The following MANBA variants were observed in gnomAD, a reference collection of about 807,000 sequenced individuals.
MANBA encodes the protein beta-mannosidase.
MANBA carries 83 observed loss-of-function variants against 111.1 expected under a neutral mutation model. The observed-to-expected ratio is 0.75, with a 90% confidence interval of 0.63 to 0.90. The LOEUF (loss-of-function observed/expected upper bound fraction) is 0.90. Among genes scored for constraint, MANBA ranks in the 40% least tolerant of loss-of-function variants. The pLI is 0.00. For synonymous variants in MANBA, 370 were observed against 378.7 expected, an observed-to-expected ratio of 0.98 and a Z score of 0.27; for missense variants, 1,036 against 1,069.0, an observed-to-expected ratio of 0.97 and a Z score of 0.43.
At chr4:102,638,991 T>A (rs538195543) in intron 14 of MANBA, among the ~76,000 whole-genome samples, 1 of 152,290 alleles carries the variant, frequency 6.6e-6, no homozygotes, top group South Asian at 2.1e-4. Context: ...AAACTATTCT[T>A]TACATTATTA....
At chr4:102,649,680 T>C (rs868700029) in intron 13 of MANBA, among the ~76,000 whole-genome samples, 6 of 152,158 alleles carry the variant, frequency 3.9e-5, no homozygotes, top group African/African-American at 1.4e-4. Flanking sequence ...GGTCCCCAAT[T>C]TGTGGCTTGC....
intron 5 of MANBA, among the ~76,000 whole-genome samples, chr4:102,711,585 A>T (rs1722068077): frequency 1.3e-5 from 2 of 152,168 alleles, no homozygotes; most frequent in African/African-American, 4.8e-5. Context: ...ATTACCATAC[A>T]ATCCAAGAAT....
chr4:102,666,718 C>T (rs1367131026), intron 10 of MANBA: 2 of 152,164 alleles, frequency 1.3e-5, no homozygotes, highest in Non-Finnish European at 2.9e-5. Context: ...GAAGTGTTGG[C>T]TAGGGAAGGA....
intron 12 of MANBA, among the ~76,000 whole-genome samples, chr4:102,657,227 G>GGT (rs201831240): frequency 1.5e-4 from 19 of 123,340 alleles, no homozygotes; most frequent in African/African-American, 4.3e-4. Context: ...TGGGGTGGGG[G>GGT]GGGGGTGGGC....
intron 1 of MANBA, among the ~76,000 whole-genome samples, chr4:102,748,690 G>A (rs137897618): frequency 2.3e-3 from 344 of 152,192 alleles, no homozygotes; most frequent in African/African-American, 8.0e-3. Context: ...CGAGGTGGGC[G>A]GATCACAAGG....
In MANBA at chr4:102,671,367, C is replaced by T; in HGVS notation, c.1144G>A (p.Ala382Thr). The T allele has an allele frequency of 6.2e-7, 1 of 1,607,462 alleles. No individual in the cohort carries two copies. Among genetic ancestry groups the T allele is most frequent in the Non-Finnish European group, 8.5e-7 (1 of 1,174,286 alleles). Residue 382 changes from alanine to threonine, a missense_variant, in exon 9 of 17, where the codon GCT (alanine) becomes ACT (threonine). By Grantham distance (58) the Ala-to-Thr change is moderately conservative. Coordinates refer to ENST00000647097, the MANE Select transcript of MANBA (RefSeq NM_005908.4). ...CAAACCCGAAGAGTATTCATATTAG[C>T]ATCCACAACAGACTGTAAAAGGAGC... ...LRLLLQSVVD[A>T]NMNTLRVWGG...
At chr4:102,709,069 C>T (rs1404862393) in intron 5 of MANBA, among the ~76,000 whole-genome samples, 3 of 151,824 alleles carry the variant, frequency 2.0e-5, no homozygotes, top group Non-Finnish European at 4.4e-5. Context: ...GTAATTCCAA[C>T]ACTTTGGGAG....
rs775258436 is a variant in MANBA at position 102,650,668 on chromosome 4, T to A, written c.1738A>T (p.Lys580Ter). 6.2e-7 allele frequency: 1 copy of A among 1,613,372 alleles called. No individual in the cohort carries two copies. Among genetic ancestry groups the A allele is most frequent in the African/African-American group, 1.3e-5 (1 of 74,918 alleles). The change falls in exon 13 of 17, where the codon AAG (lysine) becomes TAG (stop). Residue 580 changes from lysine (K) to a stop codon, truncating the protein, a stop_gained. Coordinates refer to ENST00000647097, the MANE Select transcript of MANBA (RefSeq NM_005908.4). LOFTEE classifies it high-confidence loss of function. ...SSTEDWSFNSKFSLHRQHHEG... is the reference protein window; with the variant it reads ...SSTEDWSFNS ...TGATGTTGTCGATGAAGTGAAAACTTGCTATTGAAAGACCAGTCCTCTGTA... is the reference window on the plus strand; with the variant it reads ...TGATGTTGTCGATGAAGTGAAAACTAGCTATTGAAAGACCAGTCCTCTGTA...
At chr4:102,697,953 A>C (rs1170150788) in intron 5 of MANBA, among the ~76,000 whole-genome samples, 11 of 151,794 alleles carry the variant, frequency 7.2e-5, no homozygotes, top group African/African-American at 1.7e-4. Context: ...ACAATGGTTG[A>C]ACTAGTTTAC....
At chr4:102,679,151 C>G (rs1411367613) in intron 7 of MANBA, among the ~76,000 whole-genome samples, 7 of 152,162 alleles carry the variant, frequency 4.6e-5, no homozygotes, top group Admixed American at 3.9e-4. Flanking sequence ...TCTTGTCAAA[C>G]AGGTCTGTGC....
rs369603980 is a variant in MANBA, at chr4:102,632,275, T to C, written c.2422A>G (p.Ile808Val). ...ACAAATATGTCACCTTGCTGAGAGA[T>C]GATGGCCTGAAAAAGAAAAAAAAAA... is the stretch of plus-strand genomic sequence containing the variant. ...GLCKAQITAIISQQGDIFVFD... is the reference protein window; with the variant it reads ...GLCKAQITAIVSQQGDIFVFD... Residue 808 changes from isoleucine to valine, a missense_variant, in exon 17 of 17, where the codon ATC becomes GTC. By Grantham distance (29) the Ile-to-Val change is conservative (BLOSUM62 3). Coordinates refer to ENST00000647097, the MANE Select transcript of MANBA (RefSeq NM_005908.4). The C allele has an allele frequency of 6.0e-5, 95 of 1,592,016 alleles. No individual in the cohort carries two copies. Among genetic ancestry groups the C allele is most frequent in the Non-Finnish European group, 7.7e-5 (90 of 1,172,004 alleles).
intron 7 of MANBA, among the ~76,000 whole-genome samples, chr4:102,680,750 G>A (rs1169767232): frequency 6.6e-6 from 1 of 152,136 alleles, no homozygotes; most frequent in African/African-American, 2.4e-5. Context: ...TTTTATCCTG[G>A]CCCATAGCAG....
At position 102,737,634 on chromosome 4, in the gene MANBA, C is replaced by T. The variant is rs1422007091; in HGVS notation, c.178-10951G>A. ...AGTAGCTGGGACCACAGGCGCCCGC[C>T]ACCACGCCTGGCTAATTTTTTGTAT... On this transcript the variant is annotated intron_variant, in intron 1 of 16. Transcript: ENST00000647097. Among the ~76,000 whole-genome samples the T allele has an allele frequency of 2.0e-5, 3 of 152,266 alleles. No homozygotes were observed. The East Asian group carries it at 5.8e-4, about 29-fold the overall frequency.
intron 1 of MANBA, among the ~76,000 whole-genome samples, chr4:102,759,482 T>C (rs1432045419): frequency 2.6e-5 from 4 of 152,118 alleles, no homozygotes; most frequent in Non-Finnish European, 4.4e-5. Context: ...GTACTAAAGT[T>C]TGGGAATGAT....
At chr4:102,650,922 T>A (rs145976057) in intron 12 of MANBA, 46 of 512,628 alleles carry the variant, frequency 9.0e-5, no homozygotes, top group African/African-American at 8.0e-4. Context: ...GGTACATATA[T>A]CCTCCCTTCC....
chr4:102,754,881 A>C (rs924753106), intron 1 of MANBA, among the ~76,000 whole-genome samples: 2 of 152,158 alleles, frequency 1.3e-5, no homozygotes, highest in Non-Finnish European at 2.9e-5. Flanking sequence ...TATATTTAAT[A>C]CTTATAAAAG....
At chr4:102,689,823 G>A (rs140639107) in intron 6 of MANBA, 139 bp from the exon 7 acceptor site, 9 of 647,760 alleles carry the variant, frequency 1.4e-5, no homozygotes, top group Non-Finnish European at 2.3e-5. Flanking sequence ...CCTATATTAT[G>A]CCCAATCAGA....
Position 102,741,400 on chromosome 4 carries a change from C to G in MANBA, c.178-14717G>C, listed in dbSNP as rs75477851. Among the ~76,000 whole-genome samples, 805 of 152,238 alleles carry G rather than the reference C, an allele frequency of 5.3e-3. 11 individuals carry two copies. Among genetic ancestry groups the G allele is most frequent in the African/African-American group, 0.018 (763 of 41,552 alleles). On this transcript the variant is annotated intron_variant, in intron 1 of 16. Coordinates refer to ENST00000647097, the MANE Select transcript of MANBA (RefSeq NM_005908.4). ...TATGGAGATTCCTTAAAGAACTAAACGTAGAACTACCATTGATCCAGCAAT... is the reference window on the plus strand; with the variant it reads ...TATGGAGATTCCTTAAAGAACTAAAGGTAGAACTACCATTGATCCAGCAAT...
At position 102,634,957 on chromosome 4, in the gene MANBA, A is replaced by G. The variant is rs142248415; in HGVS notation, c.2246T>C (p.Leu749Pro). ...CAATTCAGACACTGGCTCCTCATAA[A>G]GGCAGACAGCCTCTCCTCCTTTCAT... Reference protein sequence around the residue: ...FVMKGGEAVCLYEEPVSELLR... With the variant: ...FVMKGGEAVCPYEEPVSELLR... Residue 749 changes from leucine (L) to proline (P), a missense_variant, in exon 16 of 17, where the codon CTT becomes CCT. Coordinates refer to ENST00000647097, the MANE Select transcript of MANBA (RefSeq NM_005908.4). The G allele has an allele frequency of 1.2e-6, 2 of 1,614,220 alleles. No individual in the cohort carries two copies. Among genetic ancestry groups the G allele is most frequent in the Non-Finnish European group, 1.7e-6 (2 of 1,180,038 alleles).
Sources: gnomAD v4.1 joint callset for allele counts (sites outside exome capture counted in the v4.1 genomes callset) on GRCh38, gnomAD v4.1.1 for gene constraint, MANE v1.5 for transcripts, NCBI Gene and HGNC (gene_info 2026-07-23, HGNC 2026-07-21) for gene names.